The following UBXN8 variants were observed in gnomAD, a reference collection of about 807,000 sequenced individuals.
UBXN8 encodes UBX domain-containing protein 8.
In UBXN8, 27 loss-of-function variants were observed where a neutral mutation model predicts 32.1. The observed-to-expected ratio is 0.84, with a 90% CI of 0.62 to 1.16. UBXN8 has a LOEUF of 1.16. Among genes scored for constraint, UBXN8 ranks in the 50% most tolerant of loss-of-function variants. The pLI, the probability that UBXN8 is intolerant of heterozygous loss-of-function variation, is 0.00. For synonymous variants in UBXN8, 109 were observed against 111.8 expected (o/e 0.98, Z 0.16); for missense variants, 306 against 311.4 (o/e 0.98, Z 0.13).
At chr8:30,761,390 A>T (rs1343030787) in intron 6 of UBXN8, among the ~76,000 whole-genome samples, 1 of 152,032 alleles carries the variant, frequency 6.6e-6, no homozygotes. Context: ...GATTACAGGC[A>T]TCTGCCACCA....
chr8:30,733,450 A>G (rs1168192401), intron 1 of UBXN8: 1 of 152,194 alleles, frequency 6.6e-6, no homozygotes, highest in Non-Finnish European at 1.5e-5. Flanking sequence ...CAATTATTAG[A>G]AGCAGTATGG....
chr8:30,764,281 C>T (rs895965601), intron 7 of UBXN8, among the ~76,000 whole-genome samples: 3 of 152,112 alleles, frequency 2.0e-5, no homozygotes, highest in Admixed American at 6.6e-5. Flanking sequence ...CGGCCAGGTG[C>T]GGTGGCTCAT....
upstream of UBXN8, among the ~76,000 whole-genome samples, chr8:30,743,117 T>TTGCAA (rs1805249075): frequency 6.6e-6 from 1 of 151,940 alleles, no homozygotes; most frequent in Non-Finnish European, 1.5e-5. Flanking sequence ...ATTACAGGCG[T>TTGCAA]GAGCCACCGC....
chr8:30,753,543 C>A (rs1805569436), intron 3 of UBXN8, among the ~76,000 whole-genome samples: 1 of 152,122 alleles, frequency 6.6e-6, no homozygotes, highest in South Asian at 2.1e-4. Context: ...AGGCATGAGC[C>A]ACCATGCCCA....
At chr8:30,740,862 G>A (rs1212073164), upstream of UBXN8, among the ~76,000 whole-genome samples, 1 of 152,176 alleles carries the variant, frequency 6.6e-6, no homozygotes, top group Non-Finnish European at 1.5e-5. Context: ...CCTTCATTCT[G>A]AGCTTTAGGA....
upstream of UBXN8, among the ~76,000 whole-genome samples, chr8:30,731,996 C>A (rs768876371): frequency 6.6e-6 from 1 of 152,152 alleles, no homozygotes; most frequent in Non-Finnish European, 1.5e-5. Context: ...TTGCTGCCAG[C>A]TGAGGACAGC....
At chr8:30,740,135 G>A (rs935241705), upstream of UBXN8, among the ~76,000 whole-genome samples, 6 of 152,006 alleles carry the variant, frequency 3.9e-5, no homozygotes, top group African/African-American at 1.4e-4. Context: ...TCAAACTCCT[G>A]GGCACCTCAG....
At chr8:30,743,269 C>T (rs1805257042), upstream of UBXN8, among the ~76,000 whole-genome samples, 1 of 151,648 alleles carries the variant, frequency 6.6e-6, no homozygotes, top group African/African-American at 2.4e-5. Flanking sequence ...AATTCTCCTG[C>T]CTCAGCCTCC....
intron 5 of UBXN8, among the ~76,000 whole-genome samples, chr8:30,758,894 G>GT (rs1176699545): frequency 1.6e-5 from 2 of 121,996 alleles, no homozygotes; most frequent in African/African-American, 6.3e-5. Flanking sequence ...TGTTTTTTTT[G>GT]TTTTTTTTTT....
At chr8:30,749,581 G>T (rs1355929115) in intron 1 of UBXN8, among the ~76,000 whole-genome samples, 1 of 148,604 alleles carries the variant, frequency 6.7e-6, no homozygotes, top group African/African-American at 2.5e-5. Flanking sequence ...CATAGAACTA[G>T]AATTTGACAC....
At chr8:30,742,438 C>G (rs1805228109), upstream of UBXN8, among the ~76,000 whole-genome samples, 1 of 152,170 alleles carries the variant, frequency 6.6e-6, no homozygotes, top group Admixed American at 6.5e-5. Context: ...GCAGACTTGA[C>G]CTCCTGGGCT....
At position 30,754,774 on chromosome 8, in the gene UBXN8, G is replaced by A; in HGVS notation, c.392G>A (p.Gly131Asp). 6.4e-7 allele frequency: 1 copy of A among 1,555,672 alleles called. No individual in the cohort carries two copies. The highest frequency in any genetic ancestry group is 8.6e-7 in the Non-Finnish European group (1 of 1,161,864). The stretch of plus-strand genomic sequence containing the variant: ...GGTGAAGCCTGGAAATTAAGCAGTG[G>A]TCACAAACTTGGGGTTGGAAAATAT... ...MTGEAWKLSS[G>D]HKLGGDEGTS... The change falls in exon 4 of 8, where the codon GGT (glycine) becomes GAT (aspartate). Residue 131 changes from glycine to aspartate, a missense_variant. Transcript: ENST00000265616.
chr8:30,753,982 C>T (rs1004019507), intron 3 of UBXN8, among the ~76,000 whole-genome samples: 3 of 152,124 alleles, frequency 2.0e-5, no homozygotes, highest in African/African-American at 7.2e-5. Context: ...TGGTGCACGC[C>T]TGTAATCCCA....
At chr8:30,748,777 GTGA>G (rs1387396763) in intron 1 of UBXN8, among the ~76,000 whole-genome samples, 2 of 152,082 alleles carry the variant, frequency 1.3e-5, no homozygotes, top group Non-Finnish European at 2.9e-5. Flanking sequence ...CTGACCTCAG[GTGA>G]TCCACCCGCC....
chr8:30,756,637 A>G (rs1731558895), intron 4 of UBXN8, 128 bp from the exon 5 acceptor site: 2 of 1,383,938 alleles, frequency 1.4e-6, no homozygotes, highest in South Asian at 1.4e-5. Context: ...TGGGTCTCAT[A>G]ATGGCTTGCT....
intron 1 of UBXN8, chr8:30,734,177 G>A (rs1450905370): frequency 6.6e-6 from 1 of 152,234 alleles, no homozygotes; most frequent in African/African-American, 2.4e-5. Flanking sequence ...CACAATGAAG[G>A]AGAATGGAAA....
chr8:30,748,468 GAAA>G (rs538718073), intron 1 of UBXN8, among the ~76,000 whole-genome samples: 3 of 90,418 alleles, frequency 3.3e-5, no homozygotes, highest in East Asian at 3.3e-4. Flanking sequence ...CCATCTGAAA[GAAA>G]AAAAAAAAAA....
chr8:30,729,653 T>A (rs564954398), upstream of UBXN8, among the ~76,000 whole-genome samples: 1 of 152,310 alleles, frequency 6.6e-6, no homozygotes, highest in African/African-American at 2.4e-5. Context: ...ATAAGCCTAC[T>A]CCTCTAGGAA....
chr8:30,753,444 A>G (rs1393907013), intron 3 of UBXN8, among the ~76,000 whole-genome samples: 1 of 151,974 alleles, frequency 6.6e-6, no homozygotes, highest in Admixed American at 6.6e-5. Context: ...TTTAGTAGAG[A>G]TGTTGTTTTG....
Sources: allele counts gnomAD v4.1 joint callset (sites outside exome capture counted in the v4.1 genomes callset), GRCh38; gene constraint gnomAD v4.1.1; transcripts MANE v1.5; gene names NCBI Gene and HGNC (gene_info 2026-07-23, HGNC 2026-07-21).